Variants in CFAP54 observed in about 807,000 individuals in gnomAD.
The protein encoded by CFAP54 is cilia- and flagella-associated protein 54.
Under a neutral mutation model 370.4 loss-of-function variants are expected in CFAP54, and 290 were observed. The ratio of observed to expected loss-of-function variants is 0.78; its 90% CI spans 0.71 to 0.86. CFAP54 has a LOEUF of 0.86. CFAP54 is among the 40% of genes least tolerant of loss of function. The probability of loss-of-function intolerance (pLI) is 0.00; values close to 1 mark genes in which losing one functional copy is unlikely to be tolerated. For missense variants in CFAP54, 3,399 were observed against 3,528.7 expected, an observed-to-expected ratio of 0.96 and a Z score of 0.93; for synonymous variants, 1,206 against 1,236.5, an observed-to-expected ratio of 0.98 and a Z score of 0.52.
At chr12:96,549,827 G>C (rs1187584499) in intron 15 of CFAP54, among the ~76,000 whole-genome samples, 2 of 152,150 alleles carry the variant, frequency 1.3e-5, no homozygotes, top group Non-Finnish European at 2.9e-5. Flanking sequence ...TCTCAACTTA[G>C]GGTTTTTAGA....
At chr12:96,739,316 A>AAT (rs1958022255) in intron 50 of CFAP54, among the ~76,000 whole-genome samples, 2 of 150,720 alleles carry the variant, frequency 1.3e-5, no homozygotes, top group Non-Finnish European at 2.9e-5. Flanking sequence ...TGCAATGATA[A>AAT]GTTTACTATT....
intron 67 of CFAP54, among the ~76,000 whole-genome samples, chr12:96,863,285 C>G (rs577480702): frequency 6.6e-6 from 1 of 152,252 alleles, no homozygotes; most frequent in South Asian, 2.1e-4. Flanking sequence ...TTACCGCTAA[C>G]ATTATTGCCT....
chr12:96,641,743 C>G (rs1165321158), intron 32 of CFAP54, among the ~76,000 whole-genome samples: 1 of 152,138 alleles, frequency 6.6e-6, no homozygotes, highest in Non-Finnish European at 1.5e-5. Context: ...GAATACTATG[C>G]AGCTATAAAA....
chr12:96,706,021 G>A (rs909147184), intron 47 of CFAP54, among the ~76,000 whole-genome samples: 1 of 151,562 alleles, frequency 6.6e-6, no homozygotes, highest in African/African-American at 2.4e-5. Context: ...TCTGCCTTAT[G>A]TATTAATTCA....
At chr12:96,822,081 G>A (rs1425420579) in intron 65 of CFAP54, among the ~76,000 whole-genome samples, 3 of 152,068 alleles carry the variant, frequency 2.0e-5, no homozygotes, top group African/African-American at 7.3e-5. Flanking sequence ...AAGATGTATT[G>A]GGAGGACTAC....
intron 55 of CFAP54, among the ~76,000 whole-genome samples, chr12:96,745,080 A>G (rs895486551): frequency 6.6e-6 from 1 of 152,156 alleles, no homozygotes; most frequent in East Asian, 1.9e-4. Context: ...TTCTTTATCC[A>G]GTCTATCATT....
At chr12:96,490,916 G>T (rs1172872457) in intron 1 of CFAP54, among the ~76,000 whole-genome samples, 1 of 151,896 alleles carries the variant, frequency 6.6e-6, no homozygotes, top group Non-Finnish European at 1.5e-5. Flanking sequence ...GGAGATGACT[G>T]CTAGGGAGAA....
chr12:96,495,171 G>A (rs1441028220), intron 1 of CFAP54, among the ~76,000 whole-genome samples: 2 of 152,050 alleles, frequency 1.3e-5, no homozygotes, highest in African/African-American at 4.8e-5. Flanking sequence ...TTTTAAAAAT[G>A]TGCTTTTGCT....
At chr12:96,741,453 G>T (rs11830231) in intron 51 of CFAP54, among the ~76,000 whole-genome samples, 169 of 152,164 alleles carry the variant, frequency 1.1e-3, no homozygotes, top group African/African-American at 3.8e-3. Context: ...GTGAGCCACC[G>T]CGCCGCGCAT....
At chr12:96,544,892 A>C (rs968314454) in intron 14 of CFAP54, among the ~76,000 whole-genome samples, 3 of 150,278 alleles carry the variant, frequency 2.0e-5, no homozygotes, top group Non-Finnish European at 4.4e-5. Context: ...GGAAGCTATC[A>C]GGTATCTCTT....
Position 96,828,864 on chromosome 12 carries a change from G to T in CFAP54, c.9097-150G>T, listed in dbSNP as rs1959157185. 1.2e-5 allele frequency: 5 copies of T among 418,562 alleles called. 1 individual carries two copies. The South Asian group carries it at 4.3e-4, about 36-fold the overall frequency. The allele number at this position is 418,562 out of a possible 1,614,324, so 25.9% of individuals were successfully genotyped here. On this transcript the variant is annotated intron_variant, in intron 65 of 67. Transcript: ENST00000524981. ...TCAAAAAAGCCTAATTACTTAAGGG[G>T]TTATGATTTCTGAGCCCTCTGTCTT...
intron 26 of CFAP54, among the ~76,000 whole-genome samples, chr12:96,603,538 T>C (rs1956266590): frequency 6.6e-6 from 1 of 152,224 alleles, no homozygotes; most frequent in Admixed American, 6.5e-5. Flanking sequence ...CTGGATAATA[T>C]CCTGCAGAGT....
At chr12:96,514,274 A>G (rs1261442873) in intron 5 of CFAP54, among the ~76,000 whole-genome samples, 2 of 152,196 alleles carry the variant, frequency 1.3e-5, no homozygotes, top group African/African-American at 4.8e-5. Flanking sequence ...AAAGTTGACA[A>G]CATCTGAAAA....
intron 65 of CFAP54, among the ~76,000 whole-genome samples, chr12:96,825,935 CAT>C (rs964845523): frequency 1.2e-4 from 16 of 136,516 alleles, no homozygotes; most frequent in South Asian, 4.4e-4. Flanking sequence ...AAATATGTAA[CAT>C]AGTACATTAA....
intron 36 of CFAP54, among the ~76,000 whole-genome samples, chr12:96,654,737 C>A (rs1956902918): frequency 6.6e-6 from 1 of 152,012 alleles, no homozygotes; most frequent in Admixed American, 6.6e-5. Context: ...ATCTACCTTT[C>A]CACTGTTAAC....
chr12:96,764,002 T>C, intron 58 of CFAP54, 149 bp from the exon 59 acceptor site: 1 of 507,790 alleles, frequency 2.0e-6, no homozygotes, highest in Non-Finnish European at 3.4e-6. Context: ...ACACTTTTCT[T>C]TCCTCAATGT....
rs374506459 is a variant in CFAP54, at chr12:96,586,217, G to A, written c.3076-3210G>A. On this transcript the variant is annotated intron_variant, in intron 22 of 67. Coordinates refer to ENST00000524981, the MANE Select transcript of CFAP54 (RefSeq NM_001306084.2). ...CCAGAGTTTATGATTCACTAGGCCT[G>A]AGTTTGGGTCTGGGAATTTGCATTT... is the stretch of plus-strand genomic sequence containing the variant. Among the ~76,000 whole-genome samples, 3 of 152,160 alleles carry A rather than the reference G, an allele frequency of 2.0e-5. No individual in the cohort carries two copies. The South Asian group carries it at 6.2e-4, about 32-fold the overall frequency.
chr12:96,578,155 G>T (rs1044964419), intron 20 of CFAP54, among the ~76,000 whole-genome samples: 8 of 152,194 alleles, frequency 5.3e-5, no homozygotes, highest in African/African-American at 1.9e-4. Context: ...TTGAGTGCCT[G>T]TAATCTGTCA....
chr12:96,616,608 G>T (rs1019684994), intron 26 of CFAP54, among the ~76,000 whole-genome samples: 12 of 152,170 alleles, frequency 7.9e-5, no homozygotes, highest in Non-Finnish European at 1.6e-4. Context: ...GCAAATATTA[G>T]GTTGGGAAAA....
Sources: gnomAD v4.1 joint callset for allele counts (sites outside exome capture counted in the v4.1 genomes callset) on GRCh38, gnomAD v4.1.1 for gene constraint, MANE v1.5 for transcripts, NCBI Gene and HGNC (gene_info 2026-07-23, HGNC 2026-07-21) for gene names.